Variants in ATP4B observed in about 807,000 individuals in gnomAD.
ATP4B encodes the protein potassium-transporting ATPase subunit beta.
ATP4B carries 27 observed loss-of-function variants against 35.3 expected under a neutral mutation model. That is an observed-to-expected ratio of 0.76 (90% confidence interval 0.56 to 1.05). The LOEUF is 1.05. Among genes scored for constraint, ATP4B ranks in the 50% least tolerant of loss-of-function variants. The pLI, the probability that ATP4B is intolerant of heterozygous loss-of-function variation, is 0.00. For missense variants in ATP4B, 375 were observed against 384.8 expected (o/e 0.97, Z 0.21); for synonymous variants, 162 against 156.0 (o/e 1.04, Z -0.29).
rs941647063 is a variant in ATP4B at position 113,648,855 on chromosome 13, C to T, written c.*519G>A. 2.6e-5 allele frequency: 4 copies of T among 152,136 alleles called. No homozygotes were observed. Among genetic ancestry groups the T allele is most frequent in the East Asian group, 1.9e-4 (1 of 5,204 alleles). The allele number at this position is 152,136 out of a possible 1,614,324, so 9.4% of individuals were successfully genotyped here. ...TTAATTTCTCCCATATCAGGAAACA[C>T]GATTTCTTTTTTTACATACAATAAG... On this transcript the variant is annotated 3_prime_UTR_variant, in exon 7 of 7. Transcript: ENST00000335288.
intron 4 of ATP4B, 115 bp from the exon 5 acceptor site, chr13:113,651,842 G>T: frequency 1.6e-6 from 2 of 1,213,010 alleles, no homozygotes; most frequent in Non-Finnish European, 2.3e-6. Context: ...TTTCTGACCA[G>T]GACTGAGAAG....
chr13:113,649,550 A>G lies in ATP4B; in HGVS notation c.715-15T>C. 1 of 1,488,552 alleles carries G rather than the reference A, an allele frequency of 6.7e-7. No individual in the cohort carries two copies. The highest frequency in any genetic ancestry group is 9.0e-7 in the Non-Finnish European group (1 of 1,115,052). 92.2% of individuals were successfully genotyped at this position (1,488,552 alleles called of 1,614,324 possible). On this transcript the variant is annotated splice_polypyrimidine_tract_variant and intron_variant, in intron 6 of 6. Transcript: ENST00000335288. This position sits in a 1 kb window ranked among gnomAD's most constrained non-coding sequence, Gnocchi z 4.7. ...CTGTAGTGGGGCTGAAGTGGGAGTGAGGAAAGGACAGGTGTTTCAAAAATC... is the reference window on the plus strand; with the variant it reads ...CTGTAGTGGGGCTGAAGTGGGAGTGGGGAAAGGACAGGTGTTTCAAAAATC...
rs1042464977 is a variant in ATP4B, at chr13:113,649,197, TCG to T, written c.*175_*176del. 5.7e-5 allele frequency: 34 copies of T among 591,958 alleles called. No individual in the cohort carries two copies. Among genetic ancestry groups the T allele is most frequent in the Admixed American group, 2.9e-4 (8 of 27,314 alleles). 36.7% of individuals were successfully genotyped at this position (591,958 alleles called of 1,614,324 possible). On this transcript the variant is annotated 3_prime_UTR_variant, in exon 7 of 7. Coordinates refer to ENST00000335288, the MANE Select transcript of ATP4B (RefSeq NM_000705.4). This position sits in a 1 kb window ranked among gnomAD's most constrained non-coding sequence, Gnocchi z 4.7. The stretch of plus-strand genomic sequence containing the variant: ...GAATTCAACAAGGAAGAACTGATAC[TCG>T]CGAGCAGGTCCTTCAGATGTGGGCG...
In ATP4B at chr13:113,649,337, C is replaced by T. The variant is rs1014330936; in HGVS notation, c.*37G>A. On this transcript the variant is annotated 3_prime_UTR_variant, in exon 7 of 7. Transcript: ENST00000335288. The surrounding 1 kb of genome is among the most constrained non-coding windows in gnomAD (Gnocchi z 4.7). ...CAACCAGGAGGGTGTCCTTGAGCGA[C>T]CCCGCAGGCGTGCCCAGGACCCCTG... 1 of 1,565,832 alleles carries T rather than the reference C, an allele frequency of 6.4e-7. No homozygotes were observed. The highest frequency in any genetic ancestry group is 2.4e-5 in the East Asian group (1 of 42,398).
chr13:113,650,439 C>G lies in ATP4B; in HGVS notation c.681G>C (p.Leu227=), dbSNP rs368016520. 6.2e-7 allele frequency: 1 copy of G among 1,614,030 alleles called. No homozygotes were observed. The highest frequency in any genetic ancestry group is 1.3e-5 in the African/African-American group (1 of 75,032). ...KYYPPNGTFS[L]HYFPYYGKKA... is the part of the protein sequence containing the mutation. ...TCTTCCCGTAATAAGGGAAGTAGTG[C>G]AGACTGAAGGTGCCGTTGGGAGGGT... is the stretch of plus-strand genomic sequence containing the variant. The change falls in exon 6 of 7, where the codon CTG becomes CTC. Residue 227 remains leucine (L), a synonymous_variant. Transcript: ENST00000335288. This position sits in a 1 kb window ranked among gnomAD's most constrained non-coding sequence, Gnocchi z 5.0.
chr13:113,652,934 A>G lies in ATP4B; in HGVS notation c.494T>C (p.Leu165Pro). 6.2e-7 allele frequency: 1 copy of G among 1,614,240 alleles called. No homozygotes were observed. Among genetic ancestry groups the G allele is most frequent in the Non-Finnish European group, 8.5e-7 (1 of 1,180,038 alleles). Reference sequence around the variant, plus strand: ...TTCAAAGCCGAAGTTGGGATCCGCCAGGCCTGAGCAGTTCTGCAGCATATC... The same window carrying G: ...TTCAAAGCCGAAGTTGGGATCCGCCGGGCCTGAGCAGTTCTGCAGCATATC... The part of the protein sequence containing the change: ...TADMLQNCSG[L>P]ADPNFGFEEG... Residue 165 changes from leucine to proline, a missense_variant, in exon 4 of 7, where the codon CTG (leucine) becomes CCG (proline). Leu to Pro is a moderately conservative substitution (Grantham distance 98). Coordinates refer to ENST00000335288, the MANE Select transcript of ATP4B (RefSeq NM_000705.4).
At position 113,649,380 on chromosome 13, in the gene ATP4B, C is replaced by T. The variant is rs2049694089; in HGVS notation, c.870G>A (p.Glu290=). The change falls in exon 7 of 7, where the codon GAG becomes GAA. Residue 290 remains glutamate (E), a synonymous_variant. Coordinates refer to ENST00000335288, the MANE Select transcript of ATP4B (RefSeq NM_000705.4). This position sits in a 1 kb window ranked among gnomAD's most constrained non-coding sequence, Gnocchi z 4.7. ...GACCCCTGCGCAAACCGTTTCACTTCTCAATCTTGAGTTTGAACTCCACTT... is the reference window on the plus strand; with the variant it reads ...GACCCCTGCGCAAACCGTTTCACTTTTCAATCTTGAGTTTGAACTCCACTT... ...EGKVEFKLKI[E]K 6.3e-7 allele frequency: 1 copy of T among 1,594,032 alleles called. No individual in the cohort carries two copies. The highest frequency in any genetic ancestry group is 1.3e-5 in the African/African-American group (1 of 74,596).
At position 113,658,045 on chromosome 13, in the gene ATP4B, G is replaced by T; in HGVS notation, c.100C>A (p.Leu34Met). The change falls in exon 1 of 7, where the codon CTG becomes ATG. Residue 34 changes from leucine to methionine, a missense_variant. Coordinates refer to ENST00000335288, the MANE Select transcript of ATP4B (RefSeq NM_000705.4). ...PDTGQMLGRT[L>M]SRWVWISLYY... is the part of the protein sequence containing the mutation. The stretch of plus-strand genomic sequence containing the variant: ...CCCCCGCACGTACCCCACCGGGACA[G>T]GGTGCGGCCCAGCATCTGCCCCGTG... The T allele has an allele frequency of 6.2e-7, 1 of 1,603,424 alleles. No homozygotes were observed. The highest frequency in any genetic ancestry group is 2.3e-5 in the East Asian group (1 of 44,364).
chr13:113,658,119 G>T lies in ATP4B; in HGVS notation c.26C>A (p.Thr9Lys). Residue 9 changes from threonine to lysine, a missense_variant, in exon 1 of 7, where the codon ACG (threonine) becomes AAG (lysine). By Grantham distance (78) the Thr-to-Lys change is moderately conservative (BLOSUM62 -1). Coordinates refer to ENST00000335288, the MANE Select transcript of ATP4B (RefSeq NM_000705.4). The part of the protein sequence containing the change: MAALQEKK[T>K]CGQRMEEFQR... ...GAACTCCTCCATGCGCTGGCCACACGTCTTCTTCTCCTGCAGAGCCGCCAT... is the reference window on the plus strand; with the variant it reads ...GAACTCCTCCATGCGCTGGCCACACTTCTTCTTCTCCTGCAGAGCCGCCAT... 3.1e-6 allele frequency: 5 copies of T among 1,612,904 alleles called. No individual in the cohort carries two copies. The highest frequency in any genetic ancestry group is 4.2e-6 in the Non-Finnish European group (5 of 1,179,804).
At position 113,650,225 on chromosome 13, in the gene ATP4B, A is replaced by C. The variant is rs755079520; in HGVS notation, c.714+181T>G. Reference sequence around the variant, plus strand: ...TTGTATTTTCATGTTGCGTGAGAGGAATGTTTCCAGGTAGATACAAGAACC... The same window carrying C: ...TTGTATTTTCATGTTGCGTGAGAGGCATGTTTCCAGGTAGATACAAGAACC... On this transcript the variant is annotated intron_variant, in intron 6 of 6. Transcript: ENST00000335288. The surrounding 1 kb of genome is among the most constrained non-coding windows in gnomAD (Gnocchi z 5.0). Among the ~76,000 whole-genome samples the C allele has an allele frequency of 2.0e-5, 3 of 151,934 alleles. No homozygotes were observed. Among genetic ancestry groups the C allele is most frequent in the Non-Finnish European group, 4.4e-5 (3 of 68,010 alleles).
chr13:113,655,046 C>T lies in ATP4B; in HGVS notation c.113-104G>A. ...TGATGTGGCGTGACCATCTTCCCTA[C>T]CTAGTTCCAGAACATTCTCCTCCCC... On this transcript the variant is annotated intron_variant, in intron 1 of 6. Coordinates refer to ENST00000335288, the MANE Select transcript of ATP4B (RefSeq NM_000705.4). The T allele has an allele frequency of 2.7e-6, 4 of 1,462,296 alleles. No homozygotes were observed. In the South Asian group the frequency reaches 5.3e-5, roughly 19 times the overall value. 90.6% of individuals were successfully genotyped at this position (1,462,296 alleles called of 1,614,324 possible).
chr13:113,653,702 C>T (rs1232441481), intron 2 of ATP4B, among the ~76,000 whole-genome samples: 7 of 152,230 alleles, frequency 4.6e-5, no homozygotes, highest in African/African-American at 1.4e-4. Flanking sequence ...CCACCGGGTG[C>T]CTGCTCTGTG....
Position 113,650,589 on chromosome 13 carries a change from G to T in ATP4B, c.613-82C>A. ...GTGTGTTGCGTTTGTGTGCGTGTGT[G>T]CACACACGCGCTGTGTAGGTGCTTG... is the stretch of plus-strand genomic sequence containing the variant. On this transcript the variant is annotated intron_variant, in intron 5 of 6. Coordinates refer to ENST00000335288, the MANE Select transcript of ATP4B (RefSeq NM_000705.4). This position sits in a 1 kb window ranked among gnomAD's most constrained non-coding sequence, Gnocchi z 5.0. 1 of 1,044,516 alleles carries T rather than the reference G, an allele frequency of 9.6e-7. No individual in the cohort carries two copies. The highest frequency in any genetic ancestry group is 1.4e-6 in the Non-Finnish European group (1 of 705,526). The allele number at this position is 1,044,516 out of a possible 1,614,324, so 64.7% of individuals were successfully genotyped here.
intron 4 of ATP4B, among the ~76,000 whole-genome samples, chr13:113,652,193 A>AG (rs1435654930): frequency 2.0e-4 from 30 of 152,084 alleles, no homozygotes; most frequent in African/African-American, 6.5e-4. Flanking sequence ...CTGTGCTCCG[A>AG]GGGTGGCAGC....
chr13:113,652,001 G>A (rs957260184), intron 4 of ATP4B, among the ~76,000 whole-genome samples: 9 of 152,202 alleles, frequency 5.9e-5, no homozygotes, highest in African/African-American at 2.2e-4. Context: ...GGCAGAGCTG[G>A]GGCGGGGTGG....
intron 1 of ATP4B, among the ~76,000 whole-genome samples, chr13:113,657,527 C>T (rs1483449579): frequency 6.6e-6 from 1 of 152,216 alleles, no homozygotes; most frequent in Non-Finnish European, 1.5e-5. Flanking sequence ...CAGGGCAGAC[C>T]TCGCACAAGG....
chr13:113,651,755 G>T (rs779409641), intron 4 of ATP4B, 28 bp from the exon 5 acceptor site: 3 of 1,610,348 alleles, frequency 1.9e-6, no homozygotes, highest in South Asian at 1.1e-5. Flanking sequence ...GAGCGTGGCC[G>T]CTCCCCACCC....
chr13:113,650,384 A>G lies in ATP4B; in HGVS notation c.714+22T>C. 1 of 1,602,532 alleles carries G rather than the reference A, an allele frequency of 6.2e-7. No individual in the cohort carries two copies. Among genetic ancestry groups the G allele is most frequent in the African/African-American group, 1.3e-5 (1 of 74,744 alleles). On this transcript the variant is annotated intron_variant, in intron 6 of 6. Transcript: ENST00000335288. This position sits in a 1 kb window ranked among gnomAD's most constrained non-coding sequence, Gnocchi z 5.0. The stretch of plus-strand genomic sequence containing the variant: ...AGGACTCAGCAGCTGTGGTGAGGGA[A>G]GCGTGGAAGGAAGGAACCTACCTGG...
chr13:113,649,169 TAAGAATTCAACAAGG>T lies in ATP4B; in HGVS notation c.*190_*204del. The T allele has an allele frequency of 2.1e-6, 1 of 478,596 alleles. No individual in the cohort carries two copies. The highest frequency in any genetic ancestry group is 3.9e-5 in the East Asian group (1 of 25,430). 29.6% of individuals were successfully genotyped at this position (478,596 alleles called of 1,614,324 possible). On this transcript the variant is annotated 3_prime_UTR_variant, in exon 7 of 7. Transcript: ENST00000335288. This position sits in a 1 kb window ranked among gnomAD's most constrained non-coding sequence, Gnocchi z 4.7. Reference sequence around the variant, plus strand: ...AGCAGCAAATTCCATCTAAAAACTGTAAGAATTCAACAAGGAAGAACTGATACTCGCGAGCAGGTC... The same window carrying T: ...AGCAGCAAATTCCATCTAAAAACTGTAAGAACTGATACTCGCGAGCAGGTC...
Sources: gnomAD v4.1 joint callset for allele counts (sites outside exome capture counted in the v4.1 genomes callset) on GRCh38, gnomAD v4.1.1 for gene constraint, Gnocchi (gnomAD v3.1) non-coding constraint, MANE v1.5 for transcripts, NCBI Gene and HGNC (gene_info 2026-07-23, HGNC 2026-07-21) for gene names.